PDSS2: variants seen among roughly 807,000 people sequenced by gnomAD.
PDSS2 encodes decaprenyl diphosphate synthase subunit 2.
In PDSS2, 31 loss-of-function variants were observed where a neutral mutation model predicts 44.5. The ratio of observed to expected loss-of-function variants is 0.70; its 90% CI spans 0.52 to 0.94. The LOEUF (loss-of-function observed/expected upper bound fraction) is 0.94, where lower values mean the gene tolerates loss of function less well. Among genes scored for constraint, PDSS2 ranks in the 40% least tolerant of loss-of-function variants. The pLI, the probability that PDSS2 is intolerant of heterozygous loss-of-function variation, is 0.00. For missense variants in PDSS2, 452 were observed against 482.2 expected, an observed-to-expected ratio of 0.94 and a Z score of 0.59; for synonymous variants, 157 against 180.3, an observed-to-expected ratio of 0.87 and a Z score of 1.03.
intron 7 of PDSS2, among the ~76,000 whole-genome samples, chr6:107,189,386 G>A (rs1206500942): frequency 6.6e-6 from 1 of 151,942 alleles, no homozygotes; most frequent in Non-Finnish European, 1.5e-5. Flanking sequence ...TGTCCAGGCT[G>A]GAATGCAAAG....
At chr6:107,174,287 G>C (rs561866652) in intron 7 of PDSS2, among the ~76,000 whole-genome samples, 1 of 152,284 alleles carries the variant, frequency 6.6e-6, no homozygotes, top group East Asian at 1.9e-4. Context: ...TCAGGGGACA[G>C]AACAAACAGC....
chr6:107,262,544 G>A (rs757387633), intron 3 of PDSS2, among the ~76,000 whole-genome samples: 15 of 151,994 alleles, frequency 9.9e-5, no homozygotes, highest in East Asian at 5.8e-4. Flanking sequence ...GGCTTGAGGC[G>A]GGCAGATCAC....
chr6:107,368,421 AAAG>A (rs1779029172), intron 1 of PDSS2, among the ~76,000 whole-genome samples: 1 of 152,228 alleles, frequency 6.6e-6, no homozygotes, highest in African/African-American at 2.4e-5. Context: ...TTACTGAGAT[AAAG>A]AAGATCTAAA....
chr6:107,254,790 G>A (rs1007535254), intron 3 of PDSS2, among the ~76,000 whole-genome samples: 2 of 152,118 alleles, frequency 1.3e-5, no homozygotes, highest in Non-Finnish European at 2.9e-5. Context: ...ACTGTTGTTG[G>A]CTAGCACACT....
chr6:107,446,871 C>A lies in PDSS2; in HGVS notation c.296+12119G>T, dbSNP rs529508240. Among the ~76,000 whole-genome samples, 5 of 151,946 alleles carry A rather than the reference C, an allele frequency of 3.3e-5. No homozygotes were observed. The South Asian group carries it at 1.0e-3, about 32-fold the overall frequency. ...GTTCAAGATGAGATTTAGGTGAGGA[C>A]ATTCTGACCCTGGCCCCTCCCAAAT... On this transcript the variant is annotated intron_variant, in intron 1 of 7. Transcript: ENST00000369037.
intron 4 of PDSS2, among the ~76,000 whole-genome samples, chr6:107,216,068 C>T (rs1377425580): frequency 6.6e-6 from 1 of 151,840 alleles, no homozygotes; most frequent in Non-Finnish European, 1.5e-5. Context: ...GCTTGGGAAG[C>T]AGAGGCTGCA....
At chr6:107,416,039 T>C (rs1462167749) in intron 1 of PDSS2, among the ~76,000 whole-genome samples, 1 of 152,222 alleles carries the variant, frequency 6.6e-6, no homozygotes, top group Non-Finnish European at 1.5e-5. Context: ...ATGTTTGTAT[T>C]TCTTTATAGA....
intron 3 of PDSS2, among the ~76,000 whole-genome samples, chr6:107,267,739 C>A (rs1006909092): frequency 1.3e-5 from 2 of 151,780 alleles, no homozygotes; most frequent in African/African-American, 4.8e-5. Context: ...GCATGCACCA[C>A]CATGCCTGTT....
At chr6:107,326,327 C>T (rs1777545752) in intron 2 of PDSS2, among the ~76,000 whole-genome samples, 1 of 151,710 alleles carries the variant, frequency 6.6e-6, no homozygotes, top group Admixed American at 6.5e-5. Context: ...CCAGGCTGGT[C>T]TCAAACTCCT....
chr6:107,366,052 C>T (rs922830219), intron 1 of PDSS2, among the ~76,000 whole-genome samples: 10 of 152,222 alleles, frequency 6.6e-5, no homozygotes, highest in Admixed American at 2.6e-4. Context: ...CTTGATATAA[C>T]TGACATTTAT....
At chr6:107,158,174 C>T (rs1554246014) in intron 7 of PDSS2, among the ~76,000 whole-genome samples, 1 of 145,058 alleles carries the variant, frequency 6.9e-6, no homozygotes, top group Non-Finnish European at 1.5e-5. Flanking sequence ...GATCAGAAGC[C>T]AGGTTTTCTT....
intron 1 of PDSS2, among the ~76,000 whole-genome samples, chr6:107,339,510 C>A (rs1323397507): frequency 6.6e-6 from 1 of 152,084 alleles, no homozygotes; most frequent in Non-Finnish European, 1.5e-5. Flanking sequence ...ATGGAGCTTG[C>A]AGAGCTTATG....
chr6:107,255,271 C>A (rs1774972839), intron 3 of PDSS2, among the ~76,000 whole-genome samples: 1 of 150,530 alleles, frequency 6.6e-6, no homozygotes, highest in African/African-American at 2.4e-5. Context: ...TGGCTCACCC[C>A]AACCTCGACC....
chr6:107,327,853 G>T (rs909044675), intron 2 of PDSS2, among the ~76,000 whole-genome samples: 2 of 152,194 alleles, frequency 1.3e-5, no homozygotes, highest in Non-Finnish European at 2.9e-5. Context: ...TTTAGAATCT[G>T]GTTATAGCTC....
chr6:107,172,319 C>T (rs1409327711), intron 7 of PDSS2, among the ~76,000 whole-genome samples: 5 of 152,114 alleles, frequency 3.3e-5, no homozygotes, highest in African/African-American at 4.8e-5. Context: ...GAGAAGGCCC[C>T]GGCATGGGTT....
intron 1 of PDSS2, among the ~76,000 whole-genome samples, chr6:107,382,035 T>C (rs955357900): frequency 6.6e-6 from 1 of 152,218 alleles, no homozygotes; most frequent in Admixed American, 6.5e-5. Context: ...CTCTGAAGAA[T>C]TTCAATCAGT....
At chr6:107,325,737 T>C (rs1777524972) in intron 2 of PDSS2, among the ~76,000 whole-genome samples, 1 of 152,170 alleles carries the variant, frequency 6.6e-6, no homozygotes, top group African/African-American at 2.4e-5. Context: ...CTTTTGTCCA[T>C]GTTTGTGTTG....
rs76935712 is a variant in PDSS2 at position 107,171,665 on chromosome 6, C to G, written c.1042-16888G>C. On this transcript the variant is annotated intron_variant, in intron 7 of 7. Transcript: ENST00000369037. Reference sequence around the variant, plus strand: ...AGCTAGGGCTATAGGCATGCATCACCATGCCTGGCTAATTTATTTATTTTT... The same window carrying G: ...AGCTAGGGCTATAGGCATGCATCACGATGCCTGGCTAATTTATTTATTTTT... Among the ~76,000 whole-genome samples the G allele has an allele frequency of 2.6e-3, 390 of 152,218 alleles. 8 individuals are homozygous for G. In the East Asian group the frequency reaches 0.06, roughly 23 times the overall value.
At chr6:107,407,629 G>A (rs1017931877) in intron 1 of PDSS2, among the ~76,000 whole-genome samples, 13 of 152,150 alleles carry the variant, frequency 8.5e-5, no homozygotes, top group Non-Finnish European at 1.6e-4. Flanking sequence ...AATTTTAGAA[G>A]AATTATAGGA....
Sources: allele counts gnomAD v4.1 joint callset (sites outside exome capture counted in the v4.1 genomes callset), GRCh38; gene constraint gnomAD v4.1.1; transcripts MANE v1.5; gene names NCBI Gene and HGNC (gene_info 2026-07-23, HGNC 2026-07-21).